Variants in CLEC16A observed in about 807,000 individuals in gnomAD.
CLEC16A encodes C-type lectin domain containing 16A.
CLEC16A carries 51 observed loss-of-function variants against 109.5 expected under a neutral mutation model. That is an observed-to-expected ratio of 0.47 (90% CI 0.37 to 0.59). The LOEUF is 0.59. Among genes scored for constraint, CLEC16A ranks in the 20% least tolerant of loss-of-function variants. The pLI is 0.00. For synonymous variants in CLEC16A, 673 were observed against 564.2 expected, an observed-to-expected ratio of 1.19 and a Z score of -2.73; for missense variants, 1,339 against 1,394.0, an observed-to-expected ratio of 0.96 and a Z score of 0.63.
intron 22 of CLEC16A, among the ~76,000 whole-genome samples, chr16:11,148,196 C>A (rs985935412): frequency 3.9e-5 from 6 of 152,170 alleles, no homozygotes; most frequent in Admixed American, 3.9e-4. Flanking sequence ...AGATGGAAAA[C>A]AGGTGACCAG....
At chr16:11,175,852 C>T (rs1339569048) in intron 23 of CLEC16A, among the ~76,000 whole-genome samples, 2 of 152,352 alleles carry the variant, frequency 1.3e-5, no homozygotes, top group African/African-American at 2.4e-5. Context: ...GAGCAGGGAA[C>T]GAAGTTGGCC....
intron 10 of CLEC16A, among the ~76,000 whole-genome samples, chr16:10,991,003 C>T (rs565478496): frequency 3.9e-4 from 60 of 152,118 alleles, no homozygotes; most frequent in African/African-American, 1.3e-3. Flanking sequence ...GGGTATCTGC[C>T]GTATGCCAGG....
intron 22 of CLEC16A, among the ~76,000 whole-genome samples, chr16:11,163,795 AGGT>A (rs2054809216): frequency 2.6e-5 from 4 of 152,172 alleles, no homozygotes; most frequent in Non-Finnish European, 5.9e-5. Context: ...GGAGCATACA[AGGT>A]GTAATCCCAA....
intron 22 of CLEC16A, among the ~76,000 whole-genome samples, chr16:11,160,434 C>G (rs1233088625): frequency 6.6e-6 from 1 of 152,202 alleles, no homozygotes; most frequent in South Asian, 2.1e-4. Flanking sequence ...AAAAAGTCCA[C>G]TTGCACCACA....
In CLEC16A at chr16:10,944,589, A is replaced by G. The variant is rs2041240802; in HGVS notation, c.-129A>G. On this transcript the variant is annotated 5_prime_UTR_variant, in exon 1 of 24. Coordinates refer to ENST00000409790, the MANE Select transcript of CLEC16A (RefSeq NM_015226.3). Reference sequence around the variant, plus strand: ...AGTGCTGGGCTGTGGGCCGGGGAGGAAGGCGGCTCGCGGTTCCTCCACCGC... The same window carrying G: ...AGTGCTGGGCTGTGGGCCGGGGAGGGAGGCGGCTCGCGGTTCCTCCACCGC... 1 of 877,394 alleles carries G rather than the reference A, an allele frequency of 1.1e-6. No homozygotes were observed. Among genetic ancestry groups the G allele is most frequent in the African/African-American group, 1.7e-5 (1 of 59,144 alleles). The allele number at this position is 877,394 out of a possible 1,614,324, so 54.4% of individuals were successfully genotyped here.
At chr16:11,147,468 G>C (rs927614869) in intron 22 of CLEC16A, among the ~76,000 whole-genome samples, 1 of 152,214 alleles carries the variant, frequency 6.6e-6, no homozygotes, top group African/African-American at 2.4e-5. Context: ...AGAACCTGGA[G>C]GGCAAGGTTC....
chr16:11,137,827 A>G (rs2053641585), intron 22 of CLEC16A, among the ~76,000 whole-genome samples: 1 of 152,080 alleles, frequency 6.6e-6, no homozygotes, highest in African/African-American at 2.4e-5. Flanking sequence ...GGGAAATGCA[A>G]ATAAGCAGTA....
chr16:11,009,387 T>C (rs2045258694), intron 11 of CLEC16A, among the ~76,000 whole-genome samples: 1 of 152,228 alleles, frequency 6.6e-6, no homozygotes. Context: ...TTGGGAATAA[T>C]GCCGCTATAA....
chr16:11,051,416 T>G, intron 17 of CLEC16A, 97 bp from the exon 18 acceptor site: 1 of 1,232,068 alleles, frequency 8.1e-7, no homozygotes, highest in Non-Finnish European at 1.2e-6. Context: ...ATTTACTAAA[T>G]GCGGTTGAAG....
At chr16:10,984,348 A>T (rs918562904) in intron 10 of CLEC16A, among the ~76,000 whole-genome samples, 3 of 152,198 alleles carry the variant, frequency 2.0e-5, no homozygotes, top group African/African-American at 7.2e-5. Flanking sequence ...TAGTGAATTG[A>T]TTGGGGCCTT....
At chr16:11,156,764 A>G (rs2054539901) in intron 22 of CLEC16A, 1 of 897,518 alleles carries the variant, frequency 1.1e-6, no homozygotes, top group South Asian at 1.4e-5. Context: ...GGCGACCTTC[A>G]GTTCTAGAAA....
chr16:10,965,294 G>A (rs2042448084), intron 3 of CLEC16A, among the ~76,000 whole-genome samples: 1 of 152,206 alleles, frequency 6.6e-6, no homozygotes. Flanking sequence ...ATTTGTAAGG[G>A]GTGAGGAGGA....
At chr16:11,026,374 G>A (rs1318456889) in intron 13 of CLEC16A, among the ~76,000 whole-genome samples, 3 of 152,178 alleles carry the variant, frequency 2.0e-5, no homozygotes, top group African/African-American at 7.2e-5. Context: ...TTCTTCTTGA[G>A]TGAGCTTTGG....
chr16:11,115,074 G>C (rs373999843), intron 19 of CLEC16A, among the ~76,000 whole-genome samples: 1 of 152,248 alleles, frequency 6.6e-6, no homozygotes, highest in South Asian at 2.1e-4. Flanking sequence ...TCTTTCTTCC[G>C]CTGAAGCCCC....
chr16:11,158,242 C>T (rs1375706844), intron 22 of CLEC16A, among the ~76,000 whole-genome samples: 2 of 152,148 alleles, frequency 1.3e-5, no homozygotes, highest in Non-Finnish European at 2.9e-5. Context: ...AACACTGCAT[C>T]GTCAGAAACC....
intron 1 of CLEC16A, among the ~76,000 whole-genome samples, chr16:10,947,152 T>C (rs1372478259): frequency 6.6e-6 from 1 of 152,228 alleles, no homozygotes; most frequent in East Asian, 1.9e-4. Context: ...ATCAGGCAGA[T>C]CAGCTTAATC....
intron 23 of CLEC16A, among the ~76,000 whole-genome samples, chr16:11,167,617 C>T (rs145695378): frequency 1.6e-3 from 251 of 152,318 alleles, no homozygotes; most frequent in African/African-American, 5.6e-3. Flanking sequence ...GCCTGTGGCT[C>T]AGAGCACCCC....
intron 22 of CLEC16A, among the ~76,000 whole-genome samples, chr16:11,161,290 G>T (rs916950296): frequency 2.0e-5 from 3 of 152,240 alleles, no homozygotes; most frequent in African/African-American, 7.2e-5. Context: ...CAGAGCTGCT[G>T]CAGAAGCACA....
chr16:11,149,513 T>A (rs2054207885), intron 22 of CLEC16A, among the ~76,000 whole-genome samples: 1 of 152,056 alleles, frequency 6.6e-6, no homozygotes, highest in East Asian at 1.9e-4. Flanking sequence ...AAAATCAGGC[T>A]GGGCACAGTG....
Sources: gnomAD v4.1 joint callset for allele counts (sites outside exome capture counted in the v4.1 genomes callset) on GRCh38, gnomAD v4.1.1 for gene constraint, MANE v1.5 for transcripts, NCBI Gene and HGNC (gene_info 2026-07-23, HGNC 2026-07-21) for gene names.